DYNC2H1: variants seen among roughly 807,000 people sequenced by gnomAD.
DYNC2H1 encodes cytoplasmic dynein 2 heavy chain 1.
In DYNC2H1, 410 loss-of-function variants were observed where a neutral mutation model predicts 570.0. The ratio of observed to expected loss-of-function variants is 0.72; its 90% confidence interval spans 0.66 to 0.78. DYNC2H1 has a LOEUF of 0.78. Ranked by LOEUF, DYNC2H1 falls within the 30% of genes least tolerant of loss-of-function variation. The probability of loss-of-function intolerance (pLI) is 0.00; values close to 1 mark genes in which losing one functional copy is unlikely to be tolerated. For missense variants in DYNC2H1, 4,865 were observed against 5,046.4 expected, an observed-to-expected ratio of 0.96 and a Z score of 1.09; for synonymous variants, 1,688 against 1,677.6, an observed-to-expected ratio of 1.01 and a Z score of -0.15.
chr11:103,375,798 C>A (rs1488957579), intron 83 of DYNC2H1, among the ~76,000 whole-genome samples: 1 of 152,102 alleles, frequency 6.6e-6, no homozygotes, highest in Non-Finnish European at 1.5e-5. Context: ...AAGGGACTTG[C>A]CTTGTCTCAC....
chr11:103,287,585 T>C lies in DYNC2H1; in HGVS notation c.11075T>C (p.Leu3692Pro). ...RPDRLQSAMA[L>P]FACKTLGLKE... ...GACAGATTGCAAAGTGCCATGGCTC[T>C]TTTTGCATGTAAAACTCTGGGTAAG... The change falls in exon 75 of 89, where the codon CTT becomes CCT. Residue 3692 changes from leucine (L) to proline (P), a missense_variant. By Grantham distance (98) the Leu-to-Pro change is moderately conservative. Transcript: ENST00000375735. 1 of 1,611,786 alleles carries C rather than the reference T, an allele frequency of 6.2e-7. No individual in the cohort carries two copies. The highest frequency in any genetic ancestry group is 8.5e-7 in the Non-Finnish European group (1 of 1,178,820).
intron 82 of DYNC2H1, among the ~76,000 whole-genome samples, chr11:103,332,285 A>C (rs960800209): frequency 2.0e-5 from 3 of 149,232 alleles, no homozygotes; most frequent in African/African-American, 7.5e-5. Context: ...AGTTACCCAA[A>C]CTGAAACATA....
intron 71 of DYNC2H1, among the ~76,000 whole-genome samples, chr11:103,281,816 T>TCC (rs1309164832): frequency 2.0e-5 from 3 of 152,060 alleles, no homozygotes; most frequent in Non-Finnish European, 4.4e-5. Flanking sequence ...GATACCATTT[T>TCC]TAAGTTTTTG....
intron 84 of DYNC2H1, chr11:103,406,725 T>C (rs1942878415): frequency 6.6e-6 from 1 of 152,004 alleles, no homozygotes; most frequent in Non-Finnish European, 1.5e-5. Flanking sequence ...TAGGATTTTG[T>C]GTAGCTGTGT....
chr11:103,163,660 T>A lies in DYNC2H1; in HGVS notation c.4611+513T>A, dbSNP rs745412933. Among the ~76,000 whole-genome samples the A allele has an allele frequency of 2.0e-5, 3 of 152,208 alleles. No homozygotes were observed. The highest frequency in any genetic ancestry group is 4.4e-5 in the Non-Finnish European group (3 of 68,042). Reference sequence around the variant, plus strand: ...GAACACTGGGTACTAGATATTTAGCTTACAAAATTTGTACCAGTCTATATC... The same window carrying A: ...GAACACTGGGTACTAGATATTTAGCATACAAAATTTGTACCAGTCTATATC... On this transcript the variant is annotated intron_variant, in intron 30 of 88. Transcript: ENST00000375735. This position sits in a 1 kb window ranked among gnomAD's most constrained non-coding sequence, Gnocchi z 4.6.
intron 84 of DYNC2H1, chr11:103,405,577 G>C (rs1200706815): frequency 6.6e-6 from 1 of 151,918 alleles, no homozygotes; most frequent in African/African-American, 2.4e-5. Flanking sequence ...AGGTGCCCCA[G>C]TTATCAGAGG....
At chr11:103,367,546 G>A (rs1326962217) in intron 83 of DYNC2H1, among the ~76,000 whole-genome samples, 2 of 151,946 alleles carry the variant, frequency 1.3e-5, no homozygotes, top group African/African-American at 4.8e-5. Context: ...ATCAAATTAC[G>A]GTATTTAGCG....
chr11:103,223,569 G>A (rs1260331661), intron 59 of DYNC2H1, among the ~76,000 whole-genome samples: 35 of 11,644 alleles, frequency 3.0e-3, no homozygotes, highest in Admixed American at 1.0e-3. Context: ...GTTATTTTTA[G>A]TAGAGACTAA....
chr11:103,220,169 G>A, intron 56 of DYNC2H1, 141 bp downstream of exon 56: 3 of 456,354 alleles, frequency 6.6e-6, no homozygotes, highest in South Asian at 4.2e-5. Context: ...ACTTGTAAAA[G>A]AGAACAAGAA....
At position 103,201,137 on chromosome 11, in the gene DYNC2H1, T is replaced by C. The variant is rs1565391133; in HGVS notation, c.8197+983T>C. Among the ~76,000 whole-genome samples the C allele has an allele frequency of 6.6e-6, 1 of 152,106 alleles. No individual in the cohort carries two copies. Among genetic ancestry groups the C allele is most frequent in the Non-Finnish European group, 1.5e-5 (1 of 68,014 alleles). On this transcript the variant is annotated intron_variant, in intron 50 of 88. Coordinates refer to ENST00000375735, the MANE Select transcript of DYNC2H1 (RefSeq NM_001377.3). The surrounding 1 kb of genome is among the most constrained non-coding windows in gnomAD (Gnocchi z 4.8). ...CCACCGCGTCTGGCCAGTAATCTTG[T>C]TTTTTAAAAGAAGAAATTAAAATTA...
At chr11:103,153,934 G>A (rs905720230) in intron 22 of DYNC2H1, among the ~76,000 whole-genome samples, 1 of 151,798 alleles carries the variant, frequency 6.6e-6, no homozygotes, top group Non-Finnish European at 1.5e-5. Flanking sequence ...TATTAAATTT[G>A]AGCACTGCTT....
intron 17 of DYNC2H1, among the ~76,000 whole-genome samples, chr11:103,137,320 GT>G (rs1859621700): frequency 6.7e-6 from 1 of 148,870 alleles, no homozygotes; most frequent in South Asian, 2.2e-4. Flanking sequence ...GTCCTGAATG[GT>G]AATGCCTAGG....
chr11:103,300,403 TCTAA>T (rs1310149472), intron 75 of DYNC2H1, among the ~76,000 whole-genome samples: 6 of 152,094 alleles, frequency 3.9e-5, no homozygotes, highest in Non-Finnish European at 8.8e-5. Flanking sequence ...TTTTTGGCTC[TCTAA>T]CTATATTAAA....
rs185193912 is a variant in DYNC2H1, at chr11:103,155,423, G to T, written c.3666G>T (p.Gly1222=). The change falls in exon 25 of 89, where the codon GGG becomes GGT. Residue 1222 remains glycine, a synonymous_variant. Transcript: ENST00000375735. ...TTCGTCTCCTTGGACTTCCTAGGGGGACTAGTCTAGAGAAACTACTGTTTG... is the reference window on the plus strand; with the variant it reads ...TTCGTCTCCTTGGACTTCCTAGGGGTACTAGTCTAGAGAAACTACTGTTTG... ...DLFRLLGLPR[G]TSLEKLLFGD... 53 of 1,612,434 alleles carry T rather than the reference G, an allele frequency of 3.3e-5. 1 individual carries two copies. The East Asian group carries it at 1.1e-3, about 35-fold the overall frequency.
In DYNC2H1 at chr11:103,187,000, A is replaced by C. The variant is rs1256129458; in HGVS notation, c.6894-340A>C. Among the ~76,000 whole-genome samples, 1 of 151,964 alleles carries C rather than the reference A, an allele frequency of 6.6e-6. No individual in the cohort carries two copies. The highest frequency in any genetic ancestry group is 2.4e-5 in the African/African-American group (1 of 41,406). ...TGTATAAAATCATAGTAATTTTTTT[A>C]AACTCATGGAACTTAAAATCTTAAA... On this transcript the variant is annotated intron_variant, in intron 42 of 88. Coordinates refer to ENST00000375735, the MANE Select transcript of DYNC2H1 (RefSeq NM_001377.3). This position sits in a 1 kb window ranked among gnomAD's most constrained non-coding sequence, Gnocchi z 4.5.
At chr11:103,198,815 G>A (rs558224336) in intron 48 of DYNC2H1, among the ~76,000 whole-genome samples, 41 of 152,156 alleles carry the variant, frequency 2.7e-4, no homozygotes, top group African/African-American at 9.6e-4. Flanking sequence ...CAAGCAATGC[G>A]AAAGAACAAA....
At chr11:103,435,454 T>G (rs1317658296) in intron 84 of DYNC2H1, among the ~76,000 whole-genome samples, 3 of 152,146 alleles carry the variant, frequency 2.0e-5, no homozygotes, top group Non-Finnish European at 4.4e-5. Flanking sequence ...GTAAGGCAGC[T>G]GTTCTTAGAG....
chr11:103,252,388 G>A lies in DYNC2H1; in HGVS notation c.10043-897G>A, dbSNP rs905784767. ...ATATACCCAGAAAAAAGATTGCTGG[G>A]TCATATGGTAGTTCTGTTTTTAATT... On this transcript the variant is annotated intron_variant, in intron 65 of 88. Transcript: ENST00000375735. This position sits in a 1 kb window ranked among gnomAD's most constrained non-coding sequence, Gnocchi z 4.6. Among the ~76,000 whole-genome samples the A allele has an allele frequency of 6.6e-6, 1 of 152,100 alleles. No homozygotes were observed. The highest frequency in any genetic ancestry group is 2.4e-5 in the African/African-American group (1 of 41,428).
intron 83 of DYNC2H1, among the ~76,000 whole-genome samples, chr11:103,396,238 A>T (rs1480476936): frequency 6.6e-6 from 1 of 152,162 alleles, no homozygotes; most frequent in Non-Finnish European, 1.5e-5. Context: ...AATCCCCATA[A>T]CACCTTGTAC....
Sources: allele counts gnomAD v4.1 joint callset (sites outside exome capture counted in the v4.1 genomes callset), GRCh38; gene constraint gnomAD v4.1.1; non-coding constraint Gnocchi (gnomAD v3.1); transcripts MANE v1.5; gene names NCBI Gene and HGNC (gene_info 2026-07-23, HGNC 2026-07-21).